Variants in NSMAF observed in about 807,000 individuals in gnomAD.
NSMAF encodes protein FAN.
In NSMAF, 90 loss-of-function variants were observed where a neutral mutation model predicts 134.9. The ratio of observed to expected loss-of-function variants is 0.67; its 90% CI spans 0.56 to 0.79. The LOEUF is 0.79. Ranked by LOEUF, NSMAF falls within the 30% of genes least tolerant of loss-of-function variation. The pLI is 0.00. For missense variants in NSMAF, 1,010 were observed against 1,119.0 expected (o/e 0.90, Z 1.39); for synonymous variants, 358 against 389.6 (o/e 0.92, Z 0.96).
At chr8:58,629,757 T>C (rs781314902) in intron 6 of NSMAF, among the ~76,000 whole-genome samples, 70 of 152,360 alleles carry the variant, frequency 4.6e-4, no homozygotes, top group Non-Finnish European at 8.5e-4. Flanking sequence ...TGGAAGTGTC[T>C]TCTCTGGACT....
rs561820056 is a variant in NSMAF at position 58,594,656 on chromosome 8, A to G, written c.1893-366T>C. 10 of 244,946 alleles carry G rather than the reference A, an allele frequency of 4.1e-5. No homozygotes were observed. The East Asian group carries it at 9.7e-4, about 24-fold the overall frequency. The allele number at this position is 244,946 out of a possible 1,614,324, so 15.2% of individuals were successfully genotyped here. On this transcript the variant is annotated intron_variant, in intron 22 of 30. Transcript: ENST00000038176. ...AGTCACTTCACTTGCTGATTACTGAAGCTAATTTACTCAGTGACTATTCAA... is the reference window on the plus strand; with the variant it reads ...AGTCACTTCACTTGCTGATTACTGAGGCTAATTTACTCAGTGACTATTCAA...
chr8:58,601,943 G>C, intron 14 of NSMAF, 115 bp downstream of exon 14: 2 of 755,822 alleles, frequency 2.6e-6, no homozygotes, highest in Non-Finnish European at 4.4e-6. Context: ...AAAACTCTAC[G>C]TAGAGTCACT....
chr8:58,629,295 C>T (rs1472759081), intron 6 of NSMAF, among the ~76,000 whole-genome samples: 1 of 151,996 alleles, frequency 6.6e-6, no homozygotes, highest in Non-Finnish European at 1.5e-5. Context: ...CTGATTTTTT[C>T]TTCTGATTTA....
At position 58,594,265 on chromosome 8, in the gene NSMAF, G is replaced by C. The variant is rs751032925; in HGVS notation, c.1918C>G (p.Arg640Gly). The C allele has an allele frequency of 1.2e-6, 2 of 1,614,116 alleles. No homozygotes were observed. The change falls in exon 23 of 31, where the codon CGC becomes GGC. Residue 640 changes from arginine to glycine, a missense_variant. Transcript: ENST00000038176. ...KEAVTGITVS[R>G]NGSSVFTTSQ... ...GTTGTGAATACTGAAGATCCATTGCGAGAGACCGTGATTCCAGTAACTGCT... is the reference window on the plus strand; with the variant it reads ...GTTGTGAATACTGAAGATCCATTGCCAGAGACCGTGATTCCAGTAACTGCT...
intron 9 of NSMAF, among the ~76,000 whole-genome samples, chr8:58,613,827 G>A (rs977648404): frequency 3.3e-5 from 5 of 152,034 alleles, no homozygotes; most frequent in African/African-American, 1.2e-4. Flanking sequence ...GTATCATATC[G>A]GTGTGCCTCC....
rs200846554 is a variant in NSMAF at position 58,585,994 on chromosome 8, C to A, written c.2453G>T (p.Arg818Leu). 2 of 1,612,252 alleles carry A rather than the reference C, an allele frequency of 1.2e-6. No homozygotes were observed. Among genetic ancestry groups the A allele is most frequent in the East Asian group, 2.2e-5 (1 of 44,872 alleles). ...VCDTAFSPDSRHVLSTGTDGC... is the reference protein window; with the variant it reads ...VCDTAFSPDSLHVLSTGTDGC... Reference sequence around the variant, plus strand: ...ATCTGTTCCTGTGCTGAGGACATGGCGACTATCTGCAACACAAGGTGAGAC... The same window carrying A: ...ATCTGTTCCTGTGCTGAGGACATGGAGACTATCTGCAACACAAGGTGAGAC... Residue 818 changes from arginine (R) to leucine (L), a missense_variant, in exon 29 of 31, where the codon CGC (arginine) becomes CTC (leucine). Coordinates refer to ENST00000038176, the MANE Select transcript of NSMAF (RefSeq NM_003580.4).
At chr8:58,611,729 A>C (rs199944239) in intron 9 of NSMAF, among the ~76,000 whole-genome samples, 2 of 152,212 alleles carry the variant, frequency 1.3e-5, no homozygotes, top group Non-Finnish European at 2.9e-5. Flanking sequence ...TCCTAACTAA[A>C]ACAAAACCAA....
chr8:58,659,669 G>C lies in NSMAF; in HGVS notation c.-38C>G. On this transcript the variant is annotated 5_prime_UTR_variant, in exon 1 of 31. Coordinates refer to ENST00000038176, the MANE Select transcript of NSMAF (RefSeq NM_003580.4). ...CGGGCGGGCGCAGAGCGCACAGGCA[G>C]GCCCCGCCGCCGCCTGCCGAGGAGG... 7.4e-7 allele frequency: 1 copy of C among 1,359,898 alleles called. No individual in the cohort carries two copies. The highest frequency in any genetic ancestry group is 9.5e-7 in the Non-Finnish European group (1 of 1,054,090). 84.2% of individuals were successfully genotyped at this position (1,359,898 alleles called of 1,614,324 possible). A position where few individuals can be genotyped will look rare whatever the true frequency, so the allele number is the denominator to read the frequency against.
intron 1 of NSMAF, 102 bp downstream of exon 1, chr8:58,659,471 C>T (rs965184911): frequency 1.3e-5 from 19 of 1,491,500 alleles, no homozygotes; most frequent in African/African-American, 5.8e-5. Flanking sequence ...CCTCCGTGCC[C>T]GGCCCCCACG....
At chr8:58,642,708 A>G (rs115503834) in intron 2 of NSMAF, among the ~76,000 whole-genome samples, 2,162 of 152,298 alleles carry the variant, frequency 0.014, 57 homozygotes, top group African/African-American at 0.05. Context: ...TTCAAGTTAC[A>G]ATTATAACTT....
intron 1 of NSMAF, among the ~76,000 whole-genome samples, chr8:58,650,119 C>T (rs902451007): frequency 1.3e-5 from 2 of 152,126 alleles, no homozygotes; most frequent in African/African-American, 2.4e-5. Flanking sequence ...ACCCATCTTG[C>T]GAAAGTTCAT....
chr8:58,605,747 G>A (rs1322892605), intron 12 of NSMAF, among the ~76,000 whole-genome samples, 180 bp downstream of exon 12: 2 of 151,946 alleles, frequency 1.3e-5, no homozygotes, highest in African/African-American at 4.8e-5. Flanking sequence ...TGGCGTGGTA[G>A]CGGGCACCTG....
intron 15 of NSMAF, 36 bp from the exon 16 acceptor site, chr8:58,601,384 AG>A (rs1215250718): frequency 1.2e-6 from 2 of 1,608,664 alleles, no homozygotes; most frequent in Non-Finnish European, 1.7e-6. Flanking sequence ...GTCAGGTCAC[AG>A]AATCATTGAA....
rs553904488 is a variant in NSMAF at position 58,587,742 on chromosome 8, A to C, written c.2212-41T>G. The C allele has an allele frequency of 1.1e-5, 18 of 1,566,972 alleles. No individual in the cohort carries two copies. In the South Asian group the frequency reaches 2.0e-4, roughly 18 times the overall value. On this transcript the variant is annotated intron_variant, in intron 26 of 30. Transcript: ENST00000038176. ...TTGCAGAAGGTATTTTCAAACATTT[A>C]ACAAAAAGTCATTTTCTAGTGCATT...
At chr8:58,591,634 T>C (rs1346540857) in intron 23 of NSMAF, among the ~76,000 whole-genome samples, 1 of 151,858 alleles carries the variant, frequency 6.6e-6, no homozygotes, top group Non-Finnish European at 1.5e-5. Context: ...TTTTTTGACG[T>C]GCACACCACG....
intron 28 of NSMAF, 56 bp downstream of exon 28, chr8:58,586,402 T>A: frequency 7.0e-7 from 1 of 1,429,316 alleles, no homozygotes; most frequent in Non-Finnish European, 9.7e-7. Context: ...CAATATTGTT[T>A]ATTTCAAAAT....
chr8:58,632,425 C>T (rs578157409), intron 5 of NSMAF, among the ~76,000 whole-genome samples: 1 of 152,270 alleles, frequency 6.6e-6, no homozygotes, highest in Admixed American at 6.5e-5. Context: ...ACCATACAAT[C>T]AATTCTTAAG....
chr8:58,584,480 C>G (rs370954585), intron 30 of NSMAF, among the ~76,000 whole-genome samples: 1 of 151,986 alleles, frequency 6.6e-6, no homozygotes, highest in African/African-American at 2.4e-5. Context: ...AATACCTTGG[C>G]GAAGTAAGTA....
intron 26 of NSMAF, among the ~76,000 whole-genome samples, chr8:58,589,108 TA>T (rs1331900075): frequency 8.0e-5 from 12 of 149,900 alleles, no homozygotes; most frequent in African/African-American, 2.9e-4. Flanking sequence ...ATGTGATACG[TA>T]AGGATATTGA....
Sources: gnomAD v4.1 joint callset for allele counts (sites outside exome capture counted in the v4.1 genomes callset) on GRCh38, gnomAD v4.1.1 for gene constraint, MANE v1.5 for transcripts, NCBI Gene and HGNC (gene_info 2026-07-23, HGNC 2026-07-21) for gene names.